ELOVL4: variants seen among roughly 807,000 people sequenced by gnomAD.
ELOVL4 encodes the protein very long chain fatty acid elongase 4.
ELOVL4 carries 18 observed loss-of-function variants against 42.1 expected under a neutral mutation model. That is an observed-to-expected ratio of 0.43 (90% CI 0.30 to 0.63). The LOEUF (loss-of-function observed/expected upper bound fraction) is 0.63. Ranked by LOEUF, ELOVL4 falls within the 30% of genes least tolerant of loss-of-function variation. The pLI, the probability that ELOVL4 is intolerant of heterozygous loss-of-function variation, is 0.15. For missense variants in ELOVL4, 299 were observed against 376.2 expected (o/e 0.79, Z 1.70); for synonymous variants, 117 against 127.0 (o/e 0.92, Z 0.53).
At chr6:79,946,707 C>A (rs1361947466) in intron 1 of ELOVL4, among the ~76,000 whole-genome samples, 3 of 152,224 alleles carry the variant, frequency 2.0e-5, no homozygotes, top group Non-Finnish European at 4.4e-5. Flanking sequence ...TCTGTCAAAG[C>A]GACCAGGAGG....
chr6:79,940,268 T>C (rs963560684), intron 1 of ELOVL4, among the ~76,000 whole-genome samples: 1 of 152,182 alleles, frequency 6.6e-6, no homozygotes, highest in Non-Finnish European at 1.5e-5. Context: ...TTCCAAAAAT[T>C]TTACTCTAAT....
At chr6:79,944,462 G>C (rs1175256791) in intron 1 of ELOVL4, among the ~76,000 whole-genome samples, 1 of 152,116 alleles carries the variant, frequency 6.6e-6, no homozygotes, top group African/African-American at 2.4e-5. Flanking sequence ...AATTATTTTT[G>C]TTGTTTTTCT....
intron 2 of ELOVL4, among the ~76,000 whole-genome samples, chr6:79,925,374 T>C (rs1774326234): frequency 6.6e-6 from 1 of 152,186 alleles, no homozygotes; most frequent in African/African-American, 2.4e-5. Context: ...CCAGAGTGGT[T>C]TGCATCTAAC....
Position 79,924,963 on chromosome 6 carries a change from G to T in ELOVL4, c.358C>A (p.His120Asn), listed in dbSNP as rs1457343803. The change falls in exon 3 of 6, where the codon CAT becomes AAT. Residue 120 changes from histidine (H) to asparagine (N), a missense_variant. By Grantham distance (68) the His-to-Asn change is moderately conservative. Coordinates refer to ENST00000369816, the MANE Select transcript of ELOVL4 (RefSeq NM_022726.4). ...CQSVDYSNNVHEVRIAAALWW... is the reference protein window; with the variant it reads ...CQSVDYSNNVNEVRIAAALWW... ...TTTAATGTACTTACCCTGACTTCAT[G>T]AACATTATTAGAATAATCCACACTC... 2 of 1,601,398 alleles carry T rather than the reference G, an allele frequency of 1.2e-6. No individual in the cohort carries two copies. Among genetic ancestry groups the T allele is most frequent in the Non-Finnish European group, 1.7e-6 (2 of 1,168,762 alleles).
intron 1 of ELOVL4, among the ~76,000 whole-genome samples, chr6:79,933,570 T>C (rs1582052432): frequency 6.6e-6 from 1 of 151,842 alleles, no homozygotes. Flanking sequence ...GGCAGTGGGG[T>C]GTGGACTGAG....
At chr6:79,935,811 A>T (rs188764499) in intron 1 of ELOVL4, among the ~76,000 whole-genome samples, 33 of 152,284 alleles carry the variant, frequency 2.2e-4, no homozygotes, top group Non-Finnish European at 3.5e-4. Flanking sequence ...TTCTTTTTCC[A>T]TAACAGTACA....
In ELOVL4 at chr6:79,947,444, G is replaced by A; in HGVS notation, c.-165C>T. 1 of 646,880 alleles carries A rather than the reference G, an allele frequency of 1.5e-6. No individual in the cohort carries two copies. Among genetic ancestry groups the A allele is most frequent in the South Asian group, 1.7e-5 (1 of 57,492 alleles). 40.1% of individuals were successfully genotyped at this position (646,880 alleles called of 1,614,324 possible). On this transcript the variant is annotated 5_prime_UTR_variant, in exon 1 of 6. Transcript: ENST00000369816. The stretch of plus-strand genomic sequence containing the variant: ...GCTCCTCAAGGCGCCGCGGCGGCGG[G>A]GATGCGGCAGAAGGCAGGGCCAAGC...
In ELOVL4 at chr6:79,916,414, A is replaced by T; in HGVS notation, c.*194T>A. ...AGGCTAATTTTTAAAAAAAATGTTT[A>T]AAATAAAAACTTCATAAATAAAACA... On this transcript the variant is annotated 3_prime_UTR_variant, in exon 6 of 6. Transcript: ENST00000369816. The T allele has an allele frequency of 1.6e-6, 1 of 643,726 alleles. No individual in the cohort carries two copies. Among genetic ancestry groups the T allele is most frequent in the Non-Finnish European group, 2.6e-6 (1 of 381,338 alleles). 39.9% of individuals were successfully genotyped at this position (643,726 alleles called of 1,614,324 possible). A position where few individuals can be genotyped will look rare whatever the true frequency, so the allele number is the denominator to read the frequency against.
At chr6:79,932,939 C>G (rs1774473971) in intron 1 of ELOVL4, among the ~76,000 whole-genome samples, 1 of 151,970 alleles carries the variant, frequency 6.6e-6, no homozygotes, top group African/African-American at 2.4e-5. Context: ...GGAGAAAAGT[C>G]TTTTTTCACG....
chr6:79,947,396 G>T lies in ELOVL4; in HGVS notation c.-117C>A. On this transcript the variant is annotated 5_prime_UTR_variant, in exon 1 of 6. Coordinates refer to ENST00000369816, the MANE Select transcript of ELOVL4 (RefSeq NM_022726.4). ...GCGGCCGGGAACCCCTCTAACGGCGGCGGCCCGGCTGCGTCTTCTCCTGCT... is the reference window on the plus strand; with the variant it reads ...GCGGCCGGGAACCCCTCTAACGGCGTCGGCCCGGCTGCGTCTTCTCCTGCT... 7.6e-6 allele frequency: 6 copies of T among 788,476 alleles called. No homozygotes were observed. Among genetic ancestry groups the T allele is most frequent in the Non-Finnish European group, 1.3e-5 (6 of 467,836 alleles). The allele number at this position is 788,476 out of a possible 1,614,324, so 48.8% of individuals were successfully genotyped here. A position where few individuals can be genotyped will look rare whatever the true frequency, so the allele number is the denominator to read the frequency against.
At chr6:79,943,483 G>A (rs1774681036) in intron 1 of ELOVL4, among the ~76,000 whole-genome samples, 2 of 152,130 alleles carry the variant, frequency 1.3e-5, no homozygotes, top group Non-Finnish European at 2.9e-5. Flanking sequence ...AAACTGTGGT[G>A]AAACAGCTAA....
chr6:79,923,497 C>G (rs1016103476), intron 3 of ELOVL4, among the ~76,000 whole-genome samples: 2 of 152,144 alleles, frequency 1.3e-5, no homozygotes, highest in Non-Finnish European at 2.9e-5. Flanking sequence ...AACACTTATC[C>G]CTGTTCCCTT....
intron 2 of ELOVL4, among the ~76,000 whole-genome samples, chr6:79,925,272 T>C (rs1249646072): frequency 2.6e-5 from 4 of 152,202 alleles, no homozygotes; most frequent in Non-Finnish European, 5.9e-5. Flanking sequence ...ATTGACTCTA[T>C]CTATTAAATA....
intron 1 of ELOVL4, among the ~76,000 whole-genome samples, chr6:79,927,667 G>A (rs1297921008): frequency 6.6e-5 from 10 of 152,148 alleles, no homozygotes; most frequent in Admixed American, 4.6e-4. Flanking sequence ...AATCAGAGTT[G>A]TTAAGAAGGT....
intron 1 of ELOVL4, among the ~76,000 whole-genome samples, chr6:79,942,613 A>G (rs1266149381): frequency 6.6e-6 from 1 of 152,226 alleles, no homozygotes; most frequent in Non-Finnish European, 1.5e-5. Context: ...TTAAGTTTAC[A>G]AAAGTGCCAT....
intron 1 of ELOVL4, among the ~76,000 whole-genome samples, chr6:79,928,727 GTTTTT>G (rs34673896): frequency 1.3e-5 from 1 of 75,582 alleles, no homozygotes; most frequent in African/African-American, 6.4e-5. Flanking sequence ...TGGTGACTGG[GTTTTT>G]TTTTTTTTTT....
At chr6:79,930,541 C>T (rs1367215087) in intron 1 of ELOVL4, among the ~76,000 whole-genome samples, 2 of 152,078 alleles carry the variant, frequency 1.3e-5, no homozygotes, top group African/African-American at 2.4e-5. Flanking sequence ...TGATGAGATG[C>T]AAATATTCTA....
intron 2 of ELOVL4, 35 bp from the exon 3 acceptor site, chr6:79,925,067 T>G (rs777866567): frequency 1.2e-5 from 16 of 1,363,916 alleles, no homozygotes; most frequent in Non-Finnish European, 1.6e-5. Flanking sequence ...TAGTAAAGTT[T>G]TAGTAAACAC....
At position 79,916,817 on chromosome 6, in the gene ELOVL4, AT is replaced by A; in HGVS notation, c.735del (p.Lys245AsnfsTer7). On this transcript the variant is annotated frameshift_variant, in exon 6 of 6. Transcript: ENST00000369816. LOFTEE classifies it high-confidence loss of function. ...LSLYTDCPFP[K>X]WMHWALIAYA... ...TAGGCAATTAGAGCCCAGTGCATCC[AT>A]TTGGGGAAGGGGCAGTCAGTGTAAA... 6.2e-7 allele frequency: 1 copy of A among 1,614,178 alleles called. No homozygotes were observed. Among genetic ancestry groups the A allele is most frequent in the Non-Finnish European group, 8.5e-7 (1 of 1,180,016 alleles).
Sources: gnomAD v4.1 joint callset for allele counts (sites outside exome capture counted in the v4.1 genomes callset) on GRCh38, gnomAD v4.1.1 for gene constraint, MANE v1.5 for transcripts, NCBI Gene and HGNC (gene_info 2026-07-23, HGNC 2026-07-21) for gene names.